The following EYS variants were observed in gnomAD, a reference collection of about 807,000 sequenced individuals.
The protein encoded by EYS is protein eyes shut homolog.
A neutral mutation model predicts 282.1 loss-of-function variants in EYS; 250 were observed. That is an observed-to-expected ratio of 0.89 (90% CI 0.80 to 0.98). EYS has a LOEUF of 0.98. Among genes scored for constraint, EYS ranks in the 50% least tolerant of loss-of-function variants. The probability of loss-of-function intolerance (pLI) is 0.00; values close to 1 mark genes in which losing one functional copy is unlikely to be tolerated. For missense variants in EYS, 4,016 were observed against 3,709.0 expected (o/e 1.08, Z -2.15); for synonymous variants, 1,355 against 1,282.9 (o/e 1.06, Z -1.20).
intron 22 of EYS, among the ~76,000 whole-genome samples, chr6:64,805,477 T>A (rs1764395882): frequency 6.6e-6 from 1 of 151,960 alleles, no homozygotes; most frequent in Admixed American, 6.5e-5. Flanking sequence ...CAAAAATAAT[T>A]TGATCATAAA....
At chr6:64,728,039 G>A (rs1032785257) in intron 22 of EYS, among the ~76,000 whole-genome samples, 3 of 152,076 alleles carry the variant, frequency 2.0e-5, no homozygotes, top group African/African-American at 7.2e-5. Flanking sequence ...CTGCTTCTTC[G>A]GGGCGGCAGG....
intron 15 of EYS, among the ~76,000 whole-genome samples, chr6:64,921,803 A>G (rs1472730568): frequency 2.0e-5 from 3 of 152,228 alleles, no homozygotes; most frequent in Admixed American, 6.5e-5. Context: ...AATAATCCCA[A>G]GCCAAAGCAC....
chr6:64,557,839 T>G (rs1483314782), intron 26 of EYS, among the ~76,000 whole-genome samples: 1 of 151,954 alleles, frequency 6.6e-6, no homozygotes, highest in Non-Finnish European at 1.5e-5. Context: ...ATTTTTGTAT[T>G]GTCCATGGCT....
chr6:65,387,668 T>C (rs887853455), intron 7 of EYS, among the ~76,000 whole-genome samples: 1 of 151,962 alleles, frequency 6.6e-6, no homozygotes, highest in Non-Finnish European at 1.5e-5. Flanking sequence ...TATACTATTC[T>C]AGTAAATGGA....
At chr6:64,335,042 T>C (rs615744) in intron 29 of EYS, among the ~76,000 whole-genome samples, 104,277 of 151,940 alleles carry the variant, frequency 0.69, 35,819 homozygotes, top group South Asian at 0.71. Context: ...ATAATGGTTC[T>C]GCAAAAGTAC....
intron 22 of EYS, among the ~76,000 whole-genome samples, chr6:64,642,737 G>A (rs893236179): frequency 6.6e-6 from 1 of 152,190 alleles, no homozygotes; most frequent in African/African-American, 2.4e-5. Flanking sequence ...CAAAACCTAT[G>A]TATCTATTCT....
chr6:64,202,602 T>C (rs1765493521), intron 31 of EYS, among the ~76,000 whole-genome samples: 1 of 152,190 alleles, frequency 6.6e-6, no homozygotes, highest in Non-Finnish European at 1.5e-5. Flanking sequence ...ATGGGTTGAA[T>C]TTGTGGCCCA....
chr6:63,806,425 A>C, intron 36 of EYS, 53 bp from the exon 37 acceptor site: 1 of 1,423,576 alleles, frequency 7.0e-7, no homozygotes, highest in Non-Finnish European at 9.4e-7. Context: ...ATGTATTTGT[A>C]AAGTGAGGGT....
chr6:64,365,246 GA>G (rs1477972140), intron 29 of EYS, among the ~76,000 whole-genome samples: 6 of 151,978 alleles, frequency 3.9e-5, no homozygotes, highest in Non-Finnish European at 8.8e-5. Flanking sequence ...AAGAAATAGA[GA>G]AAAAGGAGGG....
At chr6:65,470,021 T>C (rs548428994) in intron 5 of EYS, among the ~76,000 whole-genome samples, 1 of 152,300 alleles carries the variant, frequency 6.6e-6, no homozygotes, top group Non-Finnish European at 1.5e-5. Flanking sequence ...AATAATACTT[T>C]CTCAGGAAAA....
chr6:64,270,195 T>C (rs1032827581), intron 30 of EYS, among the ~76,000 whole-genome samples: 3 of 152,186 alleles, frequency 2.0e-5, no homozygotes, highest in Non-Finnish European at 4.4e-5. Flanking sequence ...TATGCACTAC[T>C]CTGTTTTTGG....
intron 13 of EYS, among the ~76,000 whole-genome samples, chr6:65,056,900 T>C (rs1201605056): frequency 6.6e-6 from 1 of 152,094 alleles, no homozygotes; most frequent in African/African-American, 2.4e-5. Context: ...TAACTTAATG[T>C]GTTTAAATGG....
intron 31 of EYS, among the ~76,000 whole-genome samples, chr6:64,117,084 C>T (rs1404012389): frequency 1.3e-5 from 2 of 152,014 alleles, no homozygotes; most frequent in African/African-American, 4.8e-5. Flanking sequence ...TAGAGATATA[C>T]TGAATATTGC....
At chr6:64,778,263 G>T (rs1773740290) in intron 22 of EYS, among the ~76,000 whole-genome samples, 1 of 152,152 alleles carries the variant, frequency 6.6e-6, no homozygotes, top group Admixed American at 6.6e-5. Flanking sequence ...GAATACTCAT[G>T]AAGAGAAAAG....
intron 22 of EYS, among the ~76,000 whole-genome samples, chr6:64,726,555 T>C (rs1271736405): frequency 6.6e-6 from 1 of 152,118 alleles, no homozygotes; most frequent in Non-Finnish European, 1.5e-5. Flanking sequence ...AATGTTCAGA[T>C]AGAAAAAGAA....
At position 63,760,957 on chromosome 6, in the gene EYS, T is replaced by C. The variant is rs563930975; in HGVS notation, c.8071+1504A>G. Among the ~76,000 whole-genome samples, 5 of 152,126 alleles carry C rather than the reference T, an allele frequency of 3.3e-5. No homozygotes were observed. The South Asian group carries it at 8.3e-4, about 25-fold the overall frequency. On this transcript the variant is annotated intron_variant, in intron 41 of 42. Coordinates refer to ENST00000503581, the MANE Select transcript of EYS (RefSeq NM_001142800.2). Reference sequence around the variant, plus strand: ...TAAAGGTACTCATCTTGGTTAATTTTTGAGTACTCTGCCTTTCACTAAGGA... The same window carrying C: ...TAAAGGTACTCATCTTGGTTAATTTCTGAGTACTCTGCCTTTCACTAAGGA...
At chr6:64,143,070 A>T (rs971795877) in intron 31 of EYS, among the ~76,000 whole-genome samples, 1 of 152,224 alleles carries the variant, frequency 6.6e-6, no homozygotes, top group Non-Finnish European at 1.5e-5. Context: ...AGCCAGTGGA[A>T]AAAGGCTACA....
At chr6:64,111,552 ATGTC>A (rs1773205075) in intron 31 of EYS, among the ~76,000 whole-genome samples, 1 of 152,042 alleles carries the variant, frequency 6.6e-6, no homozygotes, top group African/African-American at 2.4e-5. Flanking sequence ...GTAATAGTGA[ATGTC>A]TGAGGTTTGA....
chr6:65,302,425 T>C, intron 11 of EYS: 1 of 635,044 alleles, frequency 1.6e-6, no homozygotes, highest in Non-Finnish European at 2.9e-6. Context: ...ATTTGGAAGA[T>C]TAAACCCATT....
Sources: gnomAD v4.1 joint callset for allele counts (sites outside exome capture counted in the v4.1 genomes callset) on GRCh38, gnomAD v4.1.1 for gene constraint, MANE v1.5 for transcripts, NCBI Gene and HGNC (gene_info 2026-07-23, HGNC 2026-07-21) for gene names.